Variants in MOV10 observed in about 807,000 individuals in gnomAD.
The protein encoded by MOV10 is RNA helicase MOV-10.
A neutral mutation model predicts 108.4 loss-of-function variants in MOV10; 39 were observed. That is an observed-to-expected ratio of 0.36 (90% CI 0.28 to 0.47). MOV10 has a LOEUF of 0.47. Among genes scored for constraint, MOV10 ranks in the 20% least tolerant of loss-of-function variants. The pLI, the probability that MOV10 is intolerant of heterozygous loss-of-function variation, is 1.00. For synonymous variants in MOV10, 490 were observed against 523.1 expected, an observed-to-expected ratio of 0.94 and a Z score of 0.86; for missense variants, 952 against 1,297.6, an observed-to-expected ratio of 0.73 and a Z score of 4.09.
intron 7 of MOV10, 150 bp downstream of exon 7, chr1:112,693,079 C>G: frequency 4.2e-6 from 3 of 719,832 alleles, no homozygotes; most frequent in South Asian, 3.7e-5. Flanking sequence ...GCATCCTGTG[C>G]CCAAAGATGT....
At chr1:112,687,153 A>G in intron 2 of MOV10, 2 of 380,216 alleles carry the variant, frequency 5.3e-6, no homozygotes, top group Non-Finnish European at 1.0e-5. Flanking sequence ...TAGTACTACT[A>G]TTTCTACTAA....
intron 2 of MOV10, among the ~76,000 whole-genome samples, chr1:112,683,166 C>A (rs1259054890): frequency 6.6e-6 from 1 of 151,990 alleles, no homozygotes; most frequent in Non-Finnish European, 1.5e-5. Context: ...GTGTTCCATC[C>A]GCCTTGGCCT....
chr1:112,693,915 G>T (rs1673823764), intron 7 of MOV10, 103 bp from the exon 8 acceptor site: 2 of 983,638 alleles, frequency 2.0e-6, no homozygotes, highest in East Asian at 2.5e-5. Context: ...AGGTTAGAAG[G>T]CCAGTCTCAG....
chr1:112,695,636 A>G (rs918331002), intron 11 of MOV10, 62 bp downstream of exon 11: 17 of 1,543,578 alleles, frequency 1.1e-5, no homozygotes, highest in African/African-American at 8.2e-5. Context: ...CAGGGCAGAC[A>G]CTGAGGCGAG....
chr1:112,698,709 T>C lies in MOV10; in HGVS notation c.2509-6T>C, dbSNP rs1674343555. The C allele has an allele frequency of 6.2e-7, 1 of 1,613,428 alleles. No homozygotes were observed. Among genetic ancestry groups the C allele is most frequent in the Non-Finnish European group, 8.5e-7 (1 of 1,179,446 alleles). The stretch of plus-strand genomic sequence containing the variant: ...CGAGAGAAAGGCACCTGTCCCCTCC[T>C]TCCAGGTGGAGAAAATCCGTTACTG... On this transcript the variant is annotated splice_region_variant and splice_polypyrimidine_tract_variant and intron_variant, in intron 16 of 20. Coordinates refer to ENST00000369645, the MANE Select transcript of MOV10 (RefSeq NM_001321324.2).
intron 2 of MOV10, chr1:112,686,933 G>C: frequency 2.2e-6 from 1 of 456,438 alleles, no homozygotes; most frequent in Non-Finnish European, 4.4e-6. Context: ...ACAATTGCAA[G>C]GGCCTTCTTC....
chr1:112,691,251 C>T (rs1352043185), intron 5 of MOV10, among the ~76,000 whole-genome samples: 1 of 152,134 alleles, frequency 6.6e-6, no homozygotes, highest in Non-Finnish European at 1.5e-5. Context: ...CGCCATTGCA[C>T]TTCAGCCTGG....
At chr1:112,678,753 G>A (rs766584198) in intron 2 of MOV10, among the ~76,000 whole-genome samples, 2 of 151,958 alleles carry the variant, frequency 1.3e-5, no homozygotes, top group African/African-American at 4.8e-5. Context: ...GAGGTGTTTT[G>A]TTTTGTCTTT....
In MOV10 at chr1:112,688,291, C is replaced by T. The variant is rs185752377; in HGVS notation, c.138-644C>T. ...AGGCACTGAGCCTTGAGGTTATTGT[C>T]CTTCTGACCAGTTTTCCCTGTCTTC... On this transcript the variant is annotated intron_variant, in intron 2 of 20. Coordinates refer to ENST00000369645, the MANE Select transcript of MOV10 (RefSeq NM_001321324.2). 57 of 951,068 alleles carry T rather than the reference C, an allele frequency of 6.0e-5. 1 individual carries two copies. The East Asian group carries it at 3.8e-3, about 63-fold the overall frequency. The allele number at this position is 951,068 out of a possible 1,614,324, so 58.9% of individuals were successfully genotyped here.
chr1:112,695,696 A>G (rs1306356021), intron 11 of MOV10, 122 bp downstream of exon 11: 2 of 1,045,638 alleles, frequency 1.9e-6, no homozygotes, highest in East Asian at 3.0e-5. Context: ...CTTGGGTTGG[A>G]CAGGACCCCT....
In MOV10 at chr1:112,675,043, A is replaced by G. The variant is rs1381949786; in HGVS notation, c.131A>G (p.Lys44Arg). Residue 44 changes from lysine (K) to arginine (R), a missense_variant, in exon 2 of 21, where the codon AAG (lysine) becomes AGG (arginine). By Grantham distance (26) the Lys-to-Arg change is conservative. This residue lies in a region of MOV10 where 374 missense variants were observed against 468.6 expected (regional missense o/e 0.80). Transcript: ENST00000369645. The surrounding 1 kb of genome is among the most constrained non-coding windows in gnomAD (Gnocchi z 4.7). ...RLRTIYNRDF[K>R]ISFGTPAPGF... ...CGGACCATTTATAACCGCGACTTCA[A>G]GATCAGGTACGGGCCGGCCCACTCC... 1 of 1,596,372 alleles carries G rather than the reference A, an allele frequency of 6.3e-7. No individual in the cohort carries two copies. Among genetic ancestry groups the G allele is most frequent in the Non-Finnish European group, 8.5e-7 (1 of 1,171,896 alleles).
In MOV10 at chr1:112,675,660, G is replaced by A. The variant is rs1672146198; in HGVS notation, c.137+611G>A. 6.6e-6 allele frequency among the ~76,000 whole-genome samples: 1 copy of A among 152,252 alleles called. No individual in the cohort carries two copies. The highest frequency in any genetic ancestry group is 6.5e-5 in the Admixed American group (1 of 15,294). On this transcript the variant is annotated intron_variant, in intron 2 of 20. Coordinates refer to ENST00000369645, the MANE Select transcript of MOV10 (RefSeq NM_001321324.2). The surrounding 1 kb of genome is among the most constrained non-coding windows in gnomAD (Gnocchi z 4.7). ...CCTGTGGCTTCTCCATGGAGACCCA[G>A]GGGCAGAGCCAGCCTTCTGGAGGCT... is the stretch of plus-strand genomic sequence containing the variant.
At chr1:112,696,578 T>C in intron 13 of MOV10, 44 bp downstream of exon 13, 1 of 1,610,366 alleles carries the variant, frequency 6.2e-7, no homozygotes, top group Non-Finnish European at 8.5e-7. Context: ...CCTGTGTGGG[T>C]CAGAGAGGTT....
chr1:112,696,284 G>C (rs185830681), intron 12 of MOV10, 33 bp downstream of exon 12: 5 of 1,525,558 alleles, frequency 3.3e-6, no homozygotes, highest in Non-Finnish European at 4.5e-6. Context: ...TCTCTGAATC[G>C]TAAGTGTAAT....
At chr1:112,681,643 T>G (rs1398824766) in intron 2 of MOV10, among the ~76,000 whole-genome samples, 1 of 152,124 alleles carries the variant, frequency 6.6e-6, no homozygotes, top group African/African-American at 2.4e-5. Flanking sequence ...AAAGAAAAGT[T>G]GAAATGAATC....
rs1674133403 is a variant in MOV10 at position 112,696,787 on chromosome 1, C to T, written c.2139C>T (p.Tyr713=). The change falls in exon 14 of 21, where the codon TAC becomes TAT. Residue 713 remains tyrosine (Y), a synonymous_variant. Transcript: ENST00000369645. Reference sequence around the variant, plus strand: ...GGCTGCTCACCTACAACTCCCTGTACAAGAAGGGCCCTGATGGCTATGACC... The same window carrying T: ...GGCTGCTCACCTACAACTCCCTGTATAAGAAGGGCCCTGATGGCTATGACC... ...LERLLTYNSL[Y]KKGPDGYDPQ... The T allele has an allele frequency of 6.2e-7, 1 of 1,606,144 alleles. No homozygotes were observed. Among genetic ancestry groups the T allele is most frequent in the South Asian group, 1.1e-5 (1 of 89,634 alleles).
chr1:112,688,816 CCA>C (rs1287138317), intron 2 of MOV10, 117 bp from the exon 3 acceptor site: 1 of 1,537,224 alleles, frequency 6.5e-7, no homozygotes, highest in Admixed American at 1.9e-5. Context: ...CCATCCTGCT[CCA>C]CAGCAGGGCT....
chr1:112,687,526 C>T (rs1673168352), intron 2 of MOV10, among the ~76,000 whole-genome samples: 1 of 152,188 alleles, frequency 6.6e-6, no homozygotes, highest in Non-Finnish European at 1.5e-5. Context: ...TCCTCAGGCT[C>T]CTGGGTATCA....
At position 112,694,555 on chromosome 1, in the gene MOV10, C is replaced by T; in HGVS notation, c.1398C>T (p.Arg466=). 1 of 1,614,080 alleles carries T rather than the reference C, an allele frequency of 6.2e-7. No homozygotes were observed. The highest frequency in any genetic ancestry group is 8.5e-7 in the Non-Finnish European group (1 of 1,179,982). The change falls in exon 9 of 21, where the codon CGC becomes CGT. Residue 466 remains arginine (R), a synonymous_variant. Coordinates refer to ENST00000369645, the MANE Select transcript of MOV10 (RefSeq NM_001321324.2). The surrounding 1 kb of genome is among the most constrained non-coding windows in gnomAD (Gnocchi z 4.1). ...VQHRALELTG[R]WLLWPMLFPV... Reference sequence around the variant, plus strand: ...ACCGTGCCCTGGAGCTGACAGGGCGCTGGCTGCTGTGGCCCATGCTCTTTC... The same window carrying T: ...ACCGTGCCCTGGAGCTGACAGGGCGTTGGCTGCTGTGGCCCATGCTCTTTC...
Sources: allele counts gnomAD v4.1 joint callset (sites outside exome capture counted in the v4.1 genomes callset), GRCh38; gene constraint gnomAD v4.1.1; regional missense constraint gnomAD v4.1.1; non-coding constraint Gnocchi (gnomAD v3.1); transcripts MANE v1.5; gene names NCBI Gene and HGNC (gene_info 2026-07-23, HGNC 2026-07-21).